FRMD4A: variants seen among roughly 807,000 people sequenced by gnomAD.
The protein encoded by FRMD4A is FERM domain-containing protein 4A.
A neutral mutation model predicts 129.1 loss-of-function variants in FRMD4A; 29 were observed. The observed-to-expected ratio is 0.22, with a 90% CI of 0.17 to 0.31. The LOEUF (loss-of-function observed/expected upper bound fraction) is 0.31. Ranked by LOEUF, FRMD4A falls within the 10% of genes least tolerant of loss-of-function variation. FRMD4A has a pLI of 1.00. For synonymous variants in FRMD4A, 634 were observed against 571.6 expected (o/e 1.11, Z -1.56); for missense variants, 1,272 against 1,375.8 (o/e 0.92, Z 1.19).
chr10:13,737,101 T>C (rs2090673671), intron 12 of FRMD4A, among the ~76,000 whole-genome samples: 1 of 152,238 alleles, frequency 6.6e-6, no homozygotes, highest in South Asian at 2.1e-4. Context: ...TTTCTGTTTT[T>C]TGTTTTGAGA....
chr10:13,951,525 G>T (rs2131335260), intron 2 of FRMD4A, among the ~76,000 whole-genome samples: 1 of 152,152 alleles, frequency 6.6e-6, no homozygotes, highest in East Asian at 1.9e-4. Context: ...CAGATGAAGG[G>T]ATCCAACCAG....
chr10:14,043,817 G>C (rs1644350038), intron 2 of FRMD4A, among the ~76,000 whole-genome samples: 1 of 152,148 alleles, frequency 6.6e-6, no homozygotes, highest in Non-Finnish European at 1.5e-5. Context: ...TCCGGTCCCA[G>C]ATCTCTGGGT....
At chr10:13,890,584 G>C (rs2094683978) in intron 2 of FRMD4A, 5 of 985,114 alleles carry the variant, frequency 5.1e-6, no homozygotes, top group Non-Finnish European at 6.0e-6. Flanking sequence ...CTCAGACTTA[G>C]AAATGTGCCT....
chr10:14,265,526 C>T (rs1844948275), intron 2 of FRMD4A, among the ~76,000 whole-genome samples: 1 of 152,122 alleles, frequency 6.6e-6, no homozygotes, highest in African/African-American at 2.4e-5. Context: ...AACAAGGACC[C>T]ATGTACACAA....
In FRMD4A at chr10:14,330,181, C is replaced by T. The variant is rs112372711; in HGVS notation, c.-79G>A. Reference sequence around the variant, plus strand: ...CGGGTGGCTACAGAGCATCCAAAAGCACCTGCAGAAAAAGCAGCCAAAATC... The same window carrying T: ...CGGGTGGCTACAGAGCATCCAAAAGTACCTGCAGAAAAAGCAGCCAAAATC... On this transcript the variant is annotated splice_region_variant and 5_prime_UTR_variant, in exon 2 of 25. Coordinates refer to ENST00000357447, the MANE Select transcript of FRMD4A (RefSeq NM_018027.5). 527 of 1,452,296 alleles carry T rather than the reference C, an allele frequency of 3.6e-4. 2 individuals carry two copies. The African/African-American group carries it at 6.6e-3, about 18-fold the overall frequency. The allele number at this position is 1,452,296 out of a possible 1,614,324, so 90.0% of individuals were successfully genotyped here. A position where few individuals can be genotyped will look rare whatever the true frequency, so the allele number is the denominator to read the frequency against.
At chr10:13,991,191 A>G (rs1212764419) in intron 2 of FRMD4A, among the ~76,000 whole-genome samples, 1 of 152,218 alleles carries the variant, frequency 6.6e-6, no homozygotes, top group Non-Finnish European at 1.5e-5. Context: ...AGCTGAGTAC[A>G]CTGACAGCAA....
At chr10:13,762,703 G>A (rs549388026) in intron 6 of FRMD4A, 23 bp from the exon 7 acceptor site, 21 of 1,552,374 alleles carry the variant, frequency 1.4e-5, no homozygotes, top group Admixed American at 3.4e-5. Flanking sequence ...AGCAACAAAC[G>A]AAGACAAGTT....
intron 2 of FRMD4A, among the ~76,000 whole-genome samples, chr10:13,881,171 G>A (rs1290434589): frequency 9.3e-5 from 14 of 151,316 alleles, no homozygotes; most frequent in Non-Finnish European, 1.5e-5. Flanking sequence ...TAATCCCAGA[G>A]CTTTGAGAGG....
intron 15 of FRMD4A, among the ~76,000 whole-genome samples, chr10:13,686,174 C>A (rs187132073): frequency 6.6e-6 from 1 of 152,222 alleles, no homozygotes; most frequent in Non-Finnish European, 1.5e-5. Flanking sequence ...GAATCCTGTC[C>A]ATTGTTAGAC....
chr10:14,256,124 T>G (rs1302055417), intron 2 of FRMD4A, among the ~76,000 whole-genome samples: 1 of 152,144 alleles, frequency 6.6e-6, no homozygotes, highest in Non-Finnish European at 1.5e-5. Flanking sequence ...AAAACATTTA[T>G]GTTCCTATCT....
chr10:14,198,982 T>C (rs888868913), intron 2 of FRMD4A, among the ~76,000 whole-genome samples: 10 of 152,224 alleles, frequency 6.6e-5, no homozygotes. Context: ...TAGTACATGA[T>C]AATTATTATT....
chr10:13,787,570 T>C (rs531572543), intron 5 of FRMD4A, among the ~76,000 whole-genome samples: 1 of 152,246 alleles, frequency 6.6e-6, no homozygotes, highest in African/African-American at 2.4e-5. Flanking sequence ...AAGTGACCTG[T>C]CTGTCTAAGC....
intron 2 of FRMD4A, among the ~76,000 whole-genome samples, chr10:14,146,279 A>C (rs1840070415): frequency 6.6e-6 from 1 of 152,226 alleles, no homozygotes; most frequent in Non-Finnish European, 1.5e-5. Flanking sequence ...ATGTGACAGG[A>C]ATGTTACAGG....
At chr10:13,945,761 C>T (rs922257497) in intron 2 of FRMD4A, among the ~76,000 whole-genome samples, 2 of 152,126 alleles carry the variant, frequency 1.3e-5, no homozygotes, top group East Asian at 3.9e-4. Flanking sequence ...GGAAATCTTG[C>T]CACCTCCCCA....
rs115853921 is a variant in FRMD4A at position 14,159,199 on chromosome 10, C to A, written c.45+170859G>T. On this transcript the variant is annotated intron_variant, in intron 2 of 24. Coordinates refer to ENST00000357447, the MANE Select transcript of FRMD4A (RefSeq NM_018027.5). ...ATCAGAAAACTACTTGGGCATATAG[C>A]CATTAAACTTGAGGGAGTAAATGTT... Among the ~76,000 whole-genome samples the A allele has an allele frequency of 6.8e-3, 1,041 of 152,240 alleles. 7 individuals carry two copies. Among genetic ancestry groups the A allele is most frequent in the African/African-American group, 0.023 (962 of 41,532 alleles).
intron 2 of FRMD4A, among the ~76,000 whole-genome samples, chr10:13,864,672 T>A (rs1322043421): frequency 6.6e-6 from 1 of 150,954 alleles, no homozygotes; most frequent in Non-Finnish European, 1.5e-5. Flanking sequence ...GCCTCCTGAG[T>A]TCATGCGATT....
intron 12 of FRMD4A, among the ~76,000 whole-genome samples, chr10:13,713,274 A>G (rs1020072014): frequency 1.3e-5 from 2 of 152,200 alleles, no homozygotes; most frequent in African/African-American, 4.8e-5. Flanking sequence ...AGGGATTGGC[A>G]GAGGTTAAAT....
intron 2 of FRMD4A, among the ~76,000 whole-genome samples, chr10:13,995,009 G>A (rs1199194339): frequency 5.3e-5 from 8 of 152,166 alleles, no homozygotes; most frequent in African/African-American, 9.7e-5. Flanking sequence ...AAAGGATTAG[G>A]TCTTATGTGT....
chr10:14,197,039 T>C (rs1056641671), intron 2 of FRMD4A, among the ~76,000 whole-genome samples: 8 of 152,164 alleles, frequency 5.3e-5, no homozygotes, highest in African/African-American at 1.9e-4. Flanking sequence ...TCAAAACCCC[T>C]GCCAGCCTGA....
Sources: allele counts gnomAD v4.1 joint callset (sites outside exome capture counted in the v4.1 genomes callset), GRCh38; gene constraint gnomAD v4.1.1; transcripts MANE v1.5; gene names NCBI Gene and HGNC (gene_info 2026-07-23, HGNC 2026-07-21).